Variants in PPP2CA observed in about 807,000 individuals in gnomAD.
PPP2CA encodes the protein protein phosphatase 2 catalytic subunit alpha.
A neutral mutation model predicts 38.8 loss-of-function variants in PPP2CA; 5 were observed. The ratio of observed to expected loss-of-function variants is 0.13; its 90% CI spans 0.07 to 0.27. The LOEUF is 0.27. PPP2CA is among the 10% of genes least tolerant of loss of function. The pLI is 1.00. For missense variants in PPP2CA, 88 were observed against 389.7 expected (o/e 0.23, Z 6.52); for synonymous variants, 152 against 134.0 (o/e 1.13, Z -0.93).
At chr5:134,208,875 C>T (rs1561738398) in intron 1 of PPP2CA, among the ~76,000 whole-genome samples, 1 of 152,134 alleles carries the variant, frequency 6.6e-6, no homozygotes, top group Non-Finnish European at 1.5e-5. Flanking sequence ...TATAATAATA[C>T]ATAACATTTA....
At chr5:134,210,109 C>CA (rs11356097) in intron 1 of PPP2CA, among the ~76,000 whole-genome samples, 189 of 146,324 alleles carry the variant, frequency 1.3e-3, no homozygotes, top group African/African-American at 3.9e-3. Context: ...ACAGCCATCT[C>CA]AAAAAAAAAA....
intron 1 of PPP2CA, among the ~76,000 whole-genome samples, chr5:134,207,064 G>C (rs552062609): frequency 1.3e-5 from 2 of 152,308 alleles, no homozygotes; most frequent in South Asian, 4.1e-4. Flanking sequence ...AGATGACAAG[G>C]ACTGGGTTCA....
At chr5:134,208,299 C>T (rs114799829) in intron 1 of PPP2CA, among the ~76,000 whole-genome samples, 3 of 152,308 alleles carry the variant, frequency 2.0e-5, no homozygotes, top group Non-Finnish European at 2.9e-5. Flanking sequence ...TTCCTTACTA[C>T]AACTGACTCA....
intron 2 of PPP2CA, among the ~76,000 whole-genome samples, chr5:134,203,180 G>C (rs1479853266): frequency 6.6e-6 from 1 of 151,580 alleles, no homozygotes; most frequent in Non-Finnish European, 1.5e-5. Context: ...GATAAAGTCC[G>C]ATTTTTCAAT....
In PPP2CA at chr5:134,196,754, ATT is replaced by A. The variant is rs1761860201; in HGVS notation, c.*1016_*1017del. 1 of 152,238 alleles carries A rather than the reference ATT, an allele frequency of 6.6e-6. No individual in the cohort carries two copies. The highest frequency in any genetic ancestry group is 2.1e-4 in the South Asian group (1 of 4,832). 9.4% of individuals were successfully genotyped at this position (152,238 alleles called of 1,614,324 possible). On this transcript the variant is annotated 3_prime_UTR_variant, in exon 7 of 7. Transcript: ENST00000481195. ...GCTCTACCTGAAAACATGCTGTTTTATTAAAACAAAACCCAAAGACTTAAATC... is the reference window on the plus strand; with the variant it reads ...GCTCTACCTGAAAACATGCTGTTTTAAAAACAAAACCCAAAGACTTAAATC...
intron 1 of PPP2CA, among the ~76,000 whole-genome samples, chr5:134,210,972 A>T (rs751632782): frequency 1.2e-4 from 18 of 152,238 alleles, no homozygotes; most frequent in Admixed American, 2.0e-4. Flanking sequence ...AACTAGAATG[A>T]GGCGATTCTC....
In PPP2CA at chr5:134,226,000, T is replaced by C. The variant is rs1762574163; in HGVS notation, c.-139A>G. On this transcript the variant is annotated 5_prime_UTR_variant, in exon 1 of 7. Transcript: ENST00000481195. ...GAGGCTGGCGCTGGCCCGCTGGCTC[T>C]CACCGCAGTACTCGGCCGTCGGCCG... The C allele has an allele frequency of 1.3e-5, 9 of 700,812 alleles. 1 individual carries two copies. The highest frequency in any genetic ancestry group is 1.3e-4 in the South Asian group (7 of 55,010). The allele number at this position is 700,812 out of a possible 1,614,324, so 43.4% of individuals were successfully genotyped here.
chr5:134,225,284 G>A (rs1019975435), intron 1 of PPP2CA, among the ~76,000 whole-genome samples: 5 of 152,120 alleles, frequency 3.3e-5, no homozygotes, highest in African/African-American at 9.7e-5. Flanking sequence ...TGACCTTTAG[G>A]TATGTTCTGG....
chr5:134,201,318 G>T (rs2072494), intron 3 of PPP2CA, among the ~76,000 whole-genome samples: 117,599 of 152,108 alleles, frequency 0.77, 45,915 homozygotes, highest in Non-Finnish European at 0.82. Context: ...TGCTCTGCCT[G>T]AATGAGACTT....
intron 1 of PPP2CA, chr5:134,224,185 C>T (rs954976046): frequency 6.5e-5 from 28 of 430,700 alleles, no homozygotes; most frequent in South Asian, 4.4e-4. Flanking sequence ...TGTACAGTAC[C>T]TAGAAATTAA....
chr5:134,199,436 CT>C, intron 5 of PPP2CA: 1 of 244,034 alleles, frequency 4.1e-6, no homozygotes, highest in Non-Finnish European at 7.1e-6. Flanking sequence ...TTTTTTAGTA[CT>C]TTAAAAAAAA....
At chr5:134,223,726 C>A (rs955117777) in intron 1 of PPP2CA, among the ~76,000 whole-genome samples, 1 of 152,202 alleles carries the variant, frequency 6.6e-6, no homozygotes, top group East Asian at 1.9e-4. Context: ...CCAACACAAA[C>A]CCTCTACTTC....
intron 1 of PPP2CA, among the ~76,000 whole-genome samples, chr5:134,225,258 G>A (rs1056870764): frequency 5.3e-5 from 8 of 152,174 alleles, no homozygotes; most frequent in Admixed American, 4.6e-4. Context: ...AACCACCAAG[G>A]GGTACTAAAG....
chr5:134,197,741 C>G lies in PPP2CA; in HGVS notation c.*31G>C. On this transcript the variant is annotated 3_prime_UTR_variant, in exon 7 of 7. Coordinates refer to ENST00000481195, the MANE Select transcript of PPP2CA (RefSeq NM_002715.4). ...ATTTCCATTAGGTCGATATATGGTT[C>G]ATGGCAATACTGTACAAGTTTAAAA... 6.5e-7 allele frequency: 1 copy of G among 1,548,994 alleles called. No individual in the cohort carries two copies. The highest frequency in any genetic ancestry group is 8.9e-7 in the Non-Finnish European group (1 of 1,121,272).
At chr5:134,204,579 G>T (rs1762037261) in intron 2 of PPP2CA, among the ~76,000 whole-genome samples, 1 of 152,094 alleles carries the variant, frequency 6.6e-6, no homozygotes, top group Non-Finnish European at 1.5e-5. Flanking sequence ...TCCCACCTCA[G>T]CTTCCTGAGT....
chr5:134,221,449 A>G (rs540871306), intron 1 of PPP2CA, among the ~76,000 whole-genome samples: 175 of 152,282 alleles, frequency 1.1e-3, no homozygotes, highest in African/African-American at 3.5e-3. Flanking sequence ...AATAAACAAT[A>G]TAAAAAGTCA....
chr5:134,222,570 G>A (rs941547928), intron 1 of PPP2CA, among the ~76,000 whole-genome samples: 5 of 151,890 alleles, frequency 3.3e-5, no homozygotes, highest in Admixed American at 6.6e-5. Flanking sequence ...ATCAAACAAC[G>A]TTCTCCACAT....
At chr5:134,205,133 A>C (rs1762051320) in intron 2 of PPP2CA, among the ~76,000 whole-genome samples, 1 of 151,904 alleles carries the variant, frequency 6.6e-6, no homozygotes, top group African/African-American at 2.4e-5. Flanking sequence ...AGGTCTCACT[A>C]TGTTGCCCAG....
At chr5:134,215,106 T>C (rs1331622057) in intron 1 of PPP2CA, among the ~76,000 whole-genome samples, 1 of 151,096 alleles carries the variant, frequency 6.6e-6, no homozygotes, top group African/African-American at 2.4e-5. Flanking sequence ...ACTTTTTTTT[T>C]TTTTTTTTGA....
Sources: gnomAD v4.1 joint callset for allele counts (sites outside exome capture counted in the v4.1 genomes callset) on GRCh38, gnomAD v4.1.1 for gene constraint, MANE v1.5 for transcripts, NCBI Gene and HGNC (gene_info 2026-07-23, HGNC 2026-07-21) for gene names.